The following DIP2C variants were observed in gnomAD, a reference collection of about 807,000 sequenced individuals.
DIP2C encodes DIP2 acetate--CoA ligase C (putative), also known as disco-interacting protein 2 homolog C.
In DIP2C, 33 loss-of-function variants were observed where a neutral mutation model predicts 192.4. The ratio of observed to expected loss-of-function variants is 0.17; its 90% CI spans 0.13 to 0.23. DIP2C has a LOEUF of 0.23. Ranked by LOEUF, DIP2C falls within the 10% of genes least tolerant of loss-of-function variation. The pLI, the probability that DIP2C is intolerant of heterozygous loss-of-function variation, is 1.00. For missense variants in DIP2C, 1,537 were observed against 2,110.1 expected (o/e 0.73, Z 5.32); for synonymous variants, 979 against 864.1 (o/e 1.13, Z -2.33).
Position 341,161 on chromosome 10 carries a change from GAT to G in DIP2C, c.3584+36_3584+37del, listed in dbSNP as rs1491110125. The G allele has an allele frequency of 6.8e-6, 11 of 1,613,142 alleles. No homozygotes were observed. The Admixed American group carries it at 1.7e-4, about 24-fold the overall frequency. On this transcript the variant is annotated intron_variant, in intron 29 of 36. Transcript: ENST00000280886. ...CTAAGGTCTGGAGAGGAAGGTGCAT[GAT>G]TTTTTTTAATGTAAAGATATAGAGA...
At chr10:401,383 C>A (rs1964430343) in intron 9 of DIP2C, among the ~76,000 whole-genome samples, 2 of 151,648 alleles carry the variant, frequency 1.3e-5, no homozygotes, top group Non-Finnish European at 2.9e-5. Context: ...TCCTTATGGA[C>A]AAGTTTCGTA....
intron 3 of DIP2C, among the ~76,000 whole-genome samples, chr10:447,978 T>C (rs1335124232): frequency 1.5e-3 from 83 of 55,756 alleles, no homozygotes; most frequent in African/African-American, 2.4e-3. Context: ...CCCGTTGATA[T>C]TCAGGATCAC....
chr10:404,254 G>C lies in DIP2C; in HGVS notation c.1149+4672C>G, dbSNP rs1964645455. Among the ~76,000 whole-genome samples, 4 of 150,836 alleles carry C rather than the reference G, an allele frequency of 2.7e-5. No individual in the cohort carries two copies. In the South Asian group the frequency reaches 8.4e-4, roughly 32 times the overall value. ...GACAGAGTCTTGTTGTGTCACCCAG[G>C]CTGGAGTACAGTAGTGCAATCTCGG... On this transcript the variant is annotated intron_variant, in intron 9 of 36. Coordinates refer to ENST00000280886, the MANE Select transcript of DIP2C (RefSeq NM_014974.3).
chr10:294,977 C>CA (rs1407524573), intron 32 of DIP2C, among the ~76,000 whole-genome samples: 8 of 151,776 alleles, frequency 5.3e-5, no homozygotes, highest in Middle Eastern at 3.4e-3. Flanking sequence ...AAGAAAAACC[C>CA]AAAAAACAAA....
chr10:435,777 C>T (rs574829061), intron 4 of DIP2C, among the ~76,000 whole-genome samples: 1 of 152,310 alleles, frequency 6.6e-6, no homozygotes, highest in East Asian at 1.9e-4. Flanking sequence ...TCTTCCCTTC[C>T]TCTGGCTCAA....
intron 1 of DIP2C, among the ~76,000 whole-genome samples, chr10:566,343 A>G (rs1849467418): frequency 6.6e-6 from 1 of 152,226 alleles, no homozygotes; most frequent in African/African-American, 2.4e-5. Flanking sequence ...TAACCGCACC[A>G]GGCCTTCCTC....
chr10:404,654 G>GGA (rs1202866363), intron 9 of DIP2C, among the ~76,000 whole-genome samples: 1 of 152,188 alleles, frequency 6.6e-6, no homozygotes, highest in Non-Finnish European at 1.5e-5. Flanking sequence ...CATTGAGAGG[G>GGA]GAGCAGGCCA....
In DIP2C at chr10:363,730, T is replaced by G. The variant is rs1276133514; in HGVS notation, c.2478-419A>C. Among the ~76,000 whole-genome samples the G allele has an allele frequency of 2.0e-5, 3 of 152,320 alleles. No individual in the cohort carries two copies. In the East Asian group the frequency reaches 5.8e-4, roughly 29 times the overall value. On this transcript the variant is annotated intron_variant, in intron 20 of 36. Coordinates refer to ENST00000280886, the MANE Select transcript of DIP2C (RefSeq NM_014974.3). The surrounding 1 kb of genome is among the most constrained non-coding windows in gnomAD (Gnocchi z 5.4). ...AGAACTAGTGATTTTCTGCTAAGTG[T>G]ATGTGCCTTATACTGTCAGCACAGC...
At chr10:678,346 G>C (rs530374379) in intron 1 of DIP2C, among the ~76,000 whole-genome samples, 2 of 152,264 alleles carry the variant, frequency 1.3e-5, no homozygotes, top group Non-Finnish European at 2.9e-5. Context: ...ACCAGGAAGA[G>C]AGAAGTCCTA....
intron 1 of DIP2C, among the ~76,000 whole-genome samples, chr10:620,105 G>C (rs1853762105): frequency 1.3e-5 from 2 of 152,196 alleles, no homozygotes; most frequent in African/African-American, 4.8e-5. Context: ...ACATGTGGCT[G>C]AATGTATTTA....
At chr10:463,424 A>AATAC (rs1282584499) in intron 3 of DIP2C, among the ~76,000 whole-genome samples, 1 of 152,202 alleles carries the variant, frequency 6.6e-6, no homozygotes, top group East Asian at 1.9e-4. Context: ...AATACCTAGG[A>AATAC]ATACAACTTA....
rs192980741 is a variant in DIP2C, at chr10:364,486, C to G, written c.2365G>C (p.Val789Leu). The G allele has an allele frequency of 1.9e-6, 3 of 1,614,070 alleles. No individual in the cohort carries two copies. Among genetic ancestry groups the G allele is most frequent in the Admixed American group, 3.3e-5 (2 of 60,006 alleles). The change falls in exon 20 of 37, where the codon GTG becomes CTG. Residue 789 changes from valine to leucine, a missense_variant. Coordinates refer to ENST00000280886, the MANE Select transcript of DIP2C (RefSeq NM_014974.3). ...ATGAGGCCATCCATCTTGCCCACCACGAAGACGAGGCCTCCGGGACCCACG... is the reference window on the plus strand; with the variant it reads ...ATGAGGCCATCCATCTTGCCCACCAGGAAGACGAGGCCTCCGGGACCCACG... ...GFVGPGGLVF[V>L]VGKMDGLMVV...
chr10:443,176 G>C (rs1464895170), intron 3 of DIP2C, among the ~76,000 whole-genome samples: 1 of 152,176 alleles, frequency 6.6e-6, no homozygotes, highest in Non-Finnish European at 1.5e-5. Context: ...AGGAGAGACT[G>C]TGACACTATG....
intron 4 of DIP2C, among the ~76,000 whole-genome samples, chr10:431,621 T>C (rs1966856408): frequency 6.6e-6 from 1 of 152,204 alleles, no homozygotes; most frequent in African/African-American, 2.4e-5. Context: ...AAACAGGAAA[T>C]TCGTTCAACT....
chr10:537,423 G>T (rs1192479341), intron 1 of DIP2C, among the ~76,000 whole-genome samples: 2 of 152,188 alleles, frequency 1.3e-5, no homozygotes, highest in Admixed American at 1.3e-4. Context: ...GCAGACTCCG[G>T]TTCCTTTCAA....
In DIP2C at chr10:390,662, G is replaced by A. The variant is rs755612689; in HGVS notation, c.1384+78C>T. On this transcript the variant is annotated intron_variant, in intron 11 of 36. Transcript: ENST00000280886. ...TCATTCCACAGAGGATTGAAACCGAGGCGGGGTGACGTATTCCCGCACCCG... is the reference window on the plus strand; with the variant it reads ...TCATTCCACAGAGGATTGAAACCGAAGCGGGGTGACGTATTCCCGCACCCG... The A allele has an allele frequency of 2.3e-5, 36 of 1,553,554 alleles. No homozygotes were observed. In the Middle Eastern group the frequency reaches 5.9e-4, roughly 25 times the overall value.
intron 17 of DIP2C, among the ~76,000 whole-genome samples, chr10:377,015 T>C (rs183688706): frequency 2.5e-3 from 384 of 152,328 alleles, no homozygotes; most frequent in African/African-American, 8.7e-3. Context: ...GTTGATTTAA[T>C]GTAATATTCT....
At chr10:578,381 C>A (rs890383327) in intron 1 of DIP2C, among the ~76,000 whole-genome samples, 1 of 152,174 alleles carries the variant, frequency 6.6e-6, no homozygotes, top group Non-Finnish European at 1.5e-5. Context: ...GAGCTGAGGG[C>A]TGACAAAGTT....
At chr10:617,609 G>A (rs899413171) in intron 1 of DIP2C, among the ~76,000 whole-genome samples, 16 of 151,862 alleles carry the variant, frequency 1.1e-4, no homozygotes, top group Admixed American at 2.0e-4. Context: ...GCCACGTAGC[G>A]GCCACCAGCA....
Sources: gnomAD v4.1 joint callset for allele counts (sites outside exome capture counted in the v4.1 genomes callset) on GRCh38, gnomAD v4.1.1 for gene constraint, Gnocchi (gnomAD v3.1) non-coding constraint, MANE v1.5 for transcripts, NCBI Gene and HGNC (gene_info 2026-07-23, HGNC 2026-07-21) for gene names.